The following CENPW variants were observed in gnomAD, a reference collection of about 807,000 sequenced individuals.
The protein encoded by CENPW is centromere protein W.
CENPW carries 3 observed loss-of-function variants against 11.1 expected under a neutral mutation model. The observed-to-expected ratio is 0.27, with a 90% CI of 0.12 to 0.70. The LOEUF is 0.70. Ranked by LOEUF, CENPW falls within the 30% of genes least tolerant of loss-of-function variation. The pLI is 0.77. For missense variants in CENPW, 100 were observed against 105.6 expected, an observed-to-expected ratio of 0.95 and a Z score of 0.23; for synonymous variants, 38 against 42.0, an observed-to-expected ratio of 0.91 and a Z score of 0.37.
intron 1 of CENPW, among the ~76,000 whole-genome samples, chr6:126,342,343 G>GT (rs1392283130): frequency 6.6e-6 from 1 of 152,156 alleles, no homozygotes; most frequent in Admixed American, 6.5e-5. Flanking sequence ...AGTTAAAGCA[G>GT]TTTGTTTTGA....
At chr6:126,346,454 T>C (rs1237680253) in intron 2 of CENPW, 136 bp downstream of exon 2, 3 of 488,596 alleles carry the variant, frequency 6.1e-6, no homozygotes, top group Admixed American at 3.5e-5. Context: ...GAATTAATGA[T>C]TTTAATTAAG....
At chr6:126,356,693 A>T in the CENPW span, among the ~76,000 whole-genome samples, 1 of 152,052 alleles carries the variant, frequency 6.6e-6, no homozygotes, top group Admixed American at 6.6e-5. Flanking sequence ...ATTAGTGATG[A>T]TGAATACCTT....
chr6:126,466,627 C>T, the CENPW span, among the ~76,000 whole-genome samples: 3 of 152,064 alleles, frequency 2.0e-5, no homozygotes, highest in Admixed American at 6.6e-5. Flanking sequence ...TGTACGTGCA[C>T]ATGTGCCTGT....
the CENPW span, among the ~76,000 whole-genome samples, chr6:126,406,278 C>T: frequency 6.6e-6 from 1 of 152,054 alleles, no homozygotes; most frequent in Non-Finnish European, 1.5e-5. Flanking sequence ...AACATCCTTG[C>T]TCCCTGAGAT....
chr6:126,378,766 A>C, the CENPW span, among the ~76,000 whole-genome samples: 1 of 152,202 alleles, frequency 6.6e-6, no homozygotes, highest in Non-Finnish European at 1.5e-5. Context: ...TTTATGTGAC[A>C]ATTTGAAAAT....
At chr6:126,433,139 A>G in the CENPW span, among the ~76,000 whole-genome samples, 1 of 152,230 alleles carries the variant, frequency 6.6e-6, no homozygotes, top group Non-Finnish European at 1.5e-5. Flanking sequence ...TGTATTTTTA[A>G]AGATTATGCA....
the CENPW span, among the ~76,000 whole-genome samples, chr6:126,396,303 C>G: frequency 1.3e-5 from 2 of 152,134 alleles, no homozygotes; most frequent in Non-Finnish European, 2.9e-5. Context: ...TTTCCACAGG[C>G]AGATGAGCCA....
the CENPW span, among the ~76,000 whole-genome samples, chr6:126,473,392 G>T: frequency 6.6e-6 from 1 of 152,032 alleles, no homozygotes; most frequent in African/African-American, 2.4e-5. Flanking sequence ...AGAATTCTAA[G>T]TATTTTTATC....
At chr6:126,408,252 G>T in the CENPW span, among the ~76,000 whole-genome samples, 1 of 152,086 alleles carries the variant, frequency 6.6e-6, no homozygotes, top group East Asian at 1.9e-4. Context: ...CTCAAGACTG[G>T]GTAATTGATA....
At chr6:126,361,876 G>A in the CENPW span, among the ~76,000 whole-genome samples, 1 of 152,184 alleles carries the variant, frequency 6.6e-6, no homozygotes, top group Non-Finnish European at 1.5e-5. Flanking sequence ...CTCTGCTTAA[G>A]TGCCGGCCAC....
the CENPW span, among the ~76,000 whole-genome samples, chr6:126,391,297 C>A: frequency 1.3e-5 from 2 of 151,766 alleles, no homozygotes; most frequent in Non-Finnish European, 2.9e-5. Context: ...AGATCTTTTC[C>A]TCATTTTCTA....
chr6:126,418,640 A>T, the CENPW span, among the ~76,000 whole-genome samples: 1 of 152,112 alleles, frequency 6.6e-6, no homozygotes, highest in Non-Finnish European at 1.5e-5. Context: ...ACTTTTAAAA[A>T]ATCCAGTAAA....
the CENPW span, among the ~76,000 whole-genome samples, chr6:126,390,395 C>T: frequency 1.3e-4 from 19 of 151,768 alleles, no homozygotes; most frequent in African/African-American, 3.9e-4. Flanking sequence ...GATACAGGCA[C>T]CCAATGCACA....
At chr6:126,350,904 AAAC>A (rs1480526576), downstream of CENPW, among the ~76,000 whole-genome samples, 8 of 152,272 alleles carry the variant, frequency 5.3e-5, no homozygotes, top group Non-Finnish European at 1.2e-4. Context: ...ATTTGAAAAA[AAAC>A]AACTAGAATA....
chr6:126,349,571 T>C (rs62427692), downstream of CENPW, among the ~76,000 whole-genome samples: 560 of 152,242 alleles, frequency 3.7e-3, no homozygotes, highest in Non-Finnish European at 6.9e-3. Context: ...CCTTTGGGCA[T>C]TGGATTTTTT....
chr6:126,432,131 T>C, the CENPW span, among the ~76,000 whole-genome samples: 1 of 152,146 alleles, frequency 6.6e-6, no homozygotes, highest in African/African-American at 2.4e-5. Context: ...ATCTCCTGTT[T>C]TGAGACTTAC....
chr6:126,398,335 T>C, the CENPW span, among the ~76,000 whole-genome samples: 10 of 152,280 alleles, frequency 6.6e-5, no homozygotes, highest in South Asian at 2.1e-3. Context: ...GCTTTGTAGG[T>C]GCCAAATAAA....
chr6:126,480,197 G>T, the CENPW span, among the ~76,000 whole-genome samples: 7 of 151,888 alleles, frequency 4.6e-5, no homozygotes, highest in South Asian at 2.1e-4. Context: ...CACACACAGA[G>T]AAATGAAATA....
the CENPW span, among the ~76,000 whole-genome samples, chr6:126,359,546 GTGTC>G: frequency 6.4e-3 from 969 of 152,136 alleles, 10 homozygotes; most frequent in African/African-American, 0.021. Context: ...CTATTACTAT[GTGTC>G]TGTCTAAGTT....
Sources: gnomAD v4.1 joint callset for allele counts (sites outside exome capture counted in the v4.1 genomes callset) on GRCh38, gnomAD v4.1.1 for gene constraint, MANE v1.5 for transcripts, NCBI Gene and HGNC (gene_info 2026-07-23, HGNC 2026-07-21) for gene names.